The following IMPG1 variants were observed in gnomAD, a reference collection of about 807,000 sequenced individuals.
IMPG1 encodes interphotoreceptor matrix proteoglycan of 150 kDa.
In IMPG1, 85 loss-of-function variants were observed where a neutral mutation model predicts 92.0. The observed-to-expected ratio is 0.92, with a 90% CI of 0.78 to 1.11. The LOEUF is 1.11. IMPG1 is among the 50% of genes least tolerant of loss of function. The probability of loss-of-function intolerance (pLI) is 0.00; values close to 1 mark genes in which losing one functional copy is unlikely to be tolerated. For synonymous variants in IMPG1, 367 were observed against 334.1 expected (o/e 1.10, Z -1.08); for missense variants, 1,022 against 956.0 (o/e 1.07, Z -0.91).
intron 12 of IMPG1, among the ~76,000 whole-genome samples, chr6:76,002,473 T>C (rs983276717): frequency 5.3e-5 from 8 of 152,232 alleles, no homozygotes; most frequent in Admixed American, 5.2e-4. Flanking sequence ...GTATCCATAG[T>C]CAGCATGTAA....
chr6:76,016,086 A>G (rs1424539423), intron 7 of IMPG1, among the ~76,000 whole-genome samples: 1 of 152,204 alleles, frequency 6.6e-6, no homozygotes, highest in Non-Finnish European at 1.5e-5. Flanking sequence ...AAATTAAATG[A>G]GTTAGTACAT....
chr6:76,033,063 T>C (rs1783678273), intron 4 of IMPG1, among the ~76,000 whole-genome samples: 1 of 152,138 alleles, frequency 6.6e-6, no homozygotes, highest in Non-Finnish European at 1.5e-5. Context: ...AGGGAGAGTG[T>C]AGTACCCCAG....
intron 12 of IMPG1, among the ~76,000 whole-genome samples, chr6:75,962,282 G>A (rs1214092984): frequency 6.6e-6 from 1 of 151,366 alleles, no homozygotes; most frequent in East Asian, 1.9e-4. Context: ...ACCACACCCA[G>A]CAATTAAAAA....
chr6:76,064,771 G>A (rs1442082658), intron 1 of IMPG1, among the ~76,000 whole-genome samples: 4 of 152,172 alleles, frequency 2.6e-5, no homozygotes, highest in Admixed American at 6.5e-5. Context: ...ATACCTATCA[G>A]CTTCTGCTTC....
intron 1 of IMPG1, among the ~76,000 whole-genome samples, chr6:76,053,726 T>G (rs1784078572): frequency 6.6e-6 from 1 of 152,126 alleles, no homozygotes; most frequent in African/African-American, 2.4e-5. Context: ...GGCTCTAATT[T>G]AGCCCAGCAT....
At chr6:76,066,606 G>A (rs1784314926) in intron 1 of IMPG1, among the ~76,000 whole-genome samples, 1 of 152,040 alleles carries the variant, frequency 6.6e-6, no homozygotes, top group Non-Finnish European at 1.5e-5. Flanking sequence ...AATATTGGGG[G>A]CCTTTAACAT....
At chr6:75,952,307 T>C (rs1782046557) in intron 12 of IMPG1, among the ~76,000 whole-genome samples, 1 of 152,186 alleles carries the variant, frequency 6.6e-6, no homozygotes, top group South Asian at 2.1e-4. Flanking sequence ...CTAAGCATGA[T>C]AAATGGACTG....
chr6:75,979,182 G>T (rs937339795), intron 12 of IMPG1, among the ~76,000 whole-genome samples: 2 of 152,170 alleles, frequency 1.3e-5, no homozygotes, highest in Non-Finnish European at 2.9e-5. Context: ...CTCCCAAAGT[G>T]CTGGGATTAC....
Position 75,924,703 on chromosome 6 carries a change from TATAATATATAATATATAATATA to T in IMPG1, c.2244-1019_2244-998del, listed in dbSNP as rs1562335278. ...TATATATTATATATAAATAATTATA[TATAATATATAATATATAATATA>T]ATTATATATAATATATAATATATAA... On this transcript the variant is annotated intron_variant, in intron 15 of 16. Transcript: ENST00000369950. Among the ~76,000 whole-genome samples, 5 of 4,336 alleles carry T rather than the reference TATAATATATAATATATAATATA, an allele frequency of 1.2e-3. 1 individual carries two copies. The highest frequency in any genetic ancestry group is 3.3e-3 in the African/African-American group (3 of 908). The allele number at this position is 4,336 out of a possible 152,430, so 2.8% of individuals were successfully genotyped here.
chr6:76,013,562 G>T (rs566717070), intron 7 of IMPG1, among the ~76,000 whole-genome samples: 1 of 151,956 alleles, frequency 6.6e-6, no homozygotes, highest in African/African-American at 2.4e-5. Context: ...CTACTCTAGA[G>T]TTTATTGCAG....
At position 76,011,242 on chromosome 6, in the gene IMPG1, TTTGTAAAATACTC is replaced by T. The variant is rs141030781; in HGVS notation, c.808-31_808-19del. On this transcript the variant is annotated intron_variant, in intron 7 of 16. Transcript: ENST00000369950. ...TTTTGCATCTGCAGAGAGAAAGAAA[TTTGTAAAATACTC>T]TTTGGTTCTGCTGGGTCAGTTCTTG... 2.2e-5 allele frequency: 30 copies of T among 1,392,572 alleles called. No individual in the cohort carries two copies. Among genetic ancestry groups the T allele is most frequent in the Middle Eastern group, 3.5e-4 (2 of 5,650 alleles). The allele number at this position is 1,392,572 out of a possible 1,614,324, so 86.3% of individuals were successfully genotyped here.
chr6:75,977,118 A>T (rs1051737592), intron 12 of IMPG1, among the ~76,000 whole-genome samples: 1 of 152,206 alleles, frequency 6.6e-6, no homozygotes, highest in Admixed American at 6.5e-5. Context: ...AAGATATAAA[A>T]CATACAATAA....
intron 14 of IMPG1, among the ~76,000 whole-genome samples, chr6:75,945,781 T>C (rs755467867): frequency 3.3e-5 from 5 of 152,234 alleles, no homozygotes; most frequent in Non-Finnish European, 5.9e-5. Context: ...GTGTCCCTTA[T>C]ACAGCCCTGG....
intron 7 of IMPG1, among the ~76,000 whole-genome samples, chr6:76,015,815 A>AAG (rs1227786765): frequency 6.6e-6 from 1 of 150,580 alleles, no homozygotes; most frequent in African/African-American, 2.4e-5. Flanking sequence ...AAAAAAAAAA[A>AAG]AAAAAAAAAG....
intron 9 of IMPG1, 104 bp downstream of exon 9, chr6:76,007,376 G>T: frequency 1.3e-6 from 1 of 795,552 alleles, no homozygotes; most frequent in Non-Finnish European, 2.1e-6. Flanking sequence ...AAAGTAATGG[G>T]CTTATCCAAG....
At chr6:75,983,583 G>A (rs1782665061) in intron 12 of IMPG1, among the ~76,000 whole-genome samples, 1 of 152,040 alleles carries the variant, frequency 6.6e-6, no homozygotes, top group South Asian at 2.1e-4. Context: ...ACTCAAAATG[G>A]ATTAAAGACT....
intron 2 of IMPG1, among the ~76,000 whole-genome samples, chr6:76,035,514 A>AG (rs1350245238): frequency 6.6e-6 from 1 of 151,296 alleles, no homozygotes; most frequent in African/African-American, 2.4e-5. Context: ...AAAAAAAAAA[A>AG]AAAAAAAAAA....
At chr6:75,975,242 C>T (rs1296871746) in intron 12 of IMPG1, among the ~76,000 whole-genome samples, 2 of 152,228 alleles carry the variant, frequency 1.3e-5, no homozygotes, top group Admixed American at 6.5e-5. Flanking sequence ...ATGTGCCAGG[C>T]TTCTAGAGCA....
intron 2 of IMPG1, among the ~76,000 whole-genome samples, chr6:76,037,616 C>G (rs1783763843): frequency 6.6e-6 from 1 of 152,186 alleles, no homozygotes; most frequent in African/African-American, 2.4e-5. Flanking sequence ...CAGATTTGTC[C>G]AGACCCTAAC....
Sources: allele counts gnomAD v4.1 joint callset (sites outside exome capture counted in the v4.1 genomes callset), GRCh38; gene constraint gnomAD v4.1.1; transcripts MANE v1.5; gene names NCBI Gene and HGNC (gene_info 2026-07-23, HGNC 2026-07-21).